The following CHRNG variants were observed in gnomAD, a reference collection of about 807,000 sequenced individuals.
CHRNG encodes cholinergic receptor nicotinic gamma subunit.
A neutral mutation model predicts 65.2 loss-of-function variants in CHRNG; 72 were observed. The observed-to-expected ratio is 1.10, with a 90% confidence interval of 0.91 to 1.34. The LOEUF (loss-of-function observed/expected upper bound fraction) is 1.34. Ranked by LOEUF, CHRNG falls within the 40% of genes most tolerant of loss-of-function variation. The probability of loss-of-function intolerance (pLI) is 0.00; values close to 1 mark genes in which losing one functional copy is unlikely to be tolerated. For synonymous variants in CHRNG, 284 were observed against 290.2 expected (o/e 0.98, Z 0.22); for missense variants, 637 against 680.1 (o/e 0.94, Z 0.70).
Position 232,545,559 on chromosome 2 carries a change from T to C in CHRNG, c.1397T>C (p.Phe466Ser). The C allele has an allele frequency of 6.2e-7, 1 of 1,613,892 alleles. No individual in the cohort carries two copies. Among genetic ancestry groups the C allele is most frequent in the African/African-American group, 1.3e-5 (1 of 75,044 alleles). ...CACCCTCAGGGGAATGAGGAGTGGT[T>C]CCTGGTGGGCCGAGTGCTGGACCGC... ...SHFDNGNEEWFLVGRVLDRVC... is the reference protein window; with the variant it reads ...SHFDNGNEEWSLVGRVLDRVC... Residue 466 changes from phenylalanine to serine, a missense_variant, in exon 12 of 12, where the codon TTC becomes TCC. Physicochemically the swap from Phe to Ser is radical, Grantham distance 155. Coordinates refer to ENST00000651502, the MANE Select transcript of CHRNG (RefSeq NM_005199.5).
rs551573361 is a variant in CHRNG, at chr2:232,543,773, G to A, written c.1035+74G>A. On this transcript the variant is annotated intron_variant, in intron 9 of 11. Coordinates refer to ENST00000651502, the MANE Select transcript of CHRNG (RefSeq NM_005199.5). ...CGCCTCCCTCTCGCACGCCCCGGCA[G>A]TACTCACCTGTGGCATTCCACAGCA... 4.4e-5 allele frequency: 39 copies of A among 892,676 alleles called. No individual in the cohort carries two copies. In the African/African-American group the frequency reaches 5.6e-4, roughly 13 times the overall value. 55.3% of individuals were successfully genotyped at this position (892,676 alleles called of 1,614,324 possible).
In CHRNG at chr2:232,541,945, C is replaced by T. The variant is rs532175754; in HGVS notation, c.506+416C>T. On this transcript the variant is annotated intron_variant, in intron 5 of 11. Coordinates refer to ENST00000651502, the MANE Select transcript of CHRNG (RefSeq NM_005199.5). The surrounding 1 kb of genome is among the most constrained non-coding windows in gnomAD (Gnocchi z 4.0). ...CAGCGGAAGCATGTATGCAACCAAGCCACCCCTGGGGGTCTCTGGGTCTGT... is the reference window on the plus strand; with the variant it reads ...CAGCGGAAGCATGTATGCAACCAAGTCACCCCTGGGGGTCTCTGGGTCTGT... 45 of 335,632 alleles carry T rather than the reference C, an allele frequency of 1.3e-4. 1 individual carries two copies. The highest frequency in any genetic ancestry group is 1.3e-3 in the South Asian group (44 of 33,536). The allele number at this position is 335,632 out of a possible 1,614,324, so 20.8% of individuals were successfully genotyped here. A position where few individuals can be genotyped will look rare whatever the true frequency, so the allele number is the denominator to read the frequency against.
chr2:232,545,527 T>C lies in CHRNG; in HGVS notation c.1381-16T>C. On this transcript the variant is annotated splice_polypyrimidine_tract_variant and intron_variant, in intron 11 of 11. Coordinates refer to ENST00000651502, the MANE Select transcript of CHRNG (RefSeq NM_005199.5). ...GTGCCGCCGCTGGTTATCCCACACC[T>C]GCCTCCCACCCTCAGGGGAATGAGG... 1 of 1,612,554 alleles carries C rather than the reference T, an allele frequency of 6.2e-7. No individual in the cohort carries two copies. Among genetic ancestry groups the C allele is most frequent in the Non-Finnish European group, 8.5e-7 (1 of 1,179,576 alleles).
chr2:232,545,339 A>G lies in CHRNG; in HGVS notation c.1381-204A>G, dbSNP rs376060872. 3.3e-3 allele frequency among the ~76,000 whole-genome samples: 478 copies of G among 146,820 alleles called. 2 individuals carry two copies. Among genetic ancestry groups the G allele is most frequent in the African/African-American group, 0.011 (439 of 40,968 alleles). The stretch of plus-strand genomic sequence containing the variant: ...GTCTCAAAAAAAAAAAAAAGGAAAG[A>G]AAGAAAGAAAAAGGAACAGGGGCAG... On this transcript the variant is annotated intron_variant, in intron 11 of 11. Transcript: ENST00000651502.
At chr2:232,543,475 C>A in intron 8 of CHRNG, 86 bp downstream of exon 8, 3 of 1,214,564 alleles carry the variant, frequency 2.5e-6, no homozygotes, top group Non-Finnish European at 2.4e-6. Context: ...TCTTGCCCTC[C>A]ATCCACCCCC....
In CHRNG at chr2:232,541,468, G is replaced by A. The variant is rs2289080; in HGVS notation, c.445G>A (p.Ala149Thr). The A allele has an allele frequency of 0.024, 39,234 of 1,614,044 alleles. 865 individuals are homozygous for A. Among genetic ancestry groups the A allele is most frequent in the East Asian group, 0.11 (5,084 of 44,876 alleles). ...YWLPPAIFRS[A>T]CSISVTYFPF... is the part of the protein sequence containing the mutation. ...GCTGCCGCCTGCCATCTTCCGTTCC[G>A]CCTGCTCTATCTCAGTCACCTACTT... The change falls in exon 5 of 12, where the codon GCC (alanine) becomes ACC (threonine). Residue 149 changes from alanine (A) to threonine (T), a missense_variant. Transcript: ENST00000651502. This position sits in a 1 kb window ranked among gnomAD's most constrained non-coding sequence, Gnocchi z 4.0.
chr2:232,543,482 C>CG lies in CHRNG; in HGVS notation c.920+93_920+94insG, dbSNP rs60960955. ...CATTGCCCTCTTGCCCTCCATCCAC[C>CG]CCCCCCATCCTCAATTCAGGAGGCC... is the stretch of plus-strand genomic sequence containing the variant. On this transcript the variant is annotated intron_variant, in intron 8 of 11. Transcript: ENST00000651502. 7 of 1,159,962 alleles carry CG rather than the reference C, an allele frequency of 6.0e-6. No homozygotes were observed. The Admixed American group carries it at 6.1e-5, about 10-fold the overall frequency. The allele number at this position is 1,159,962 out of a possible 1,614,324, so 71.9% of individuals were successfully genotyped here.
In CHRNG at chr2:232,545,737, C is replaced by T. The variant is rs896195459; in HGVS notation, c.*21C>T. On this transcript the variant is annotated 3_prime_UTR_variant, in exon 12 of 12. Transcript: ENST00000651502. ...ACTGAGCCAACCAACCACTGTGGGGCATGTGGGAGTCACACACGTGGGTCA... is the reference window on the plus strand; with the variant it reads ...ACTGAGCCAACCAACCACTGTGGGGTATGTGGGAGTCACACACGTGGGTCA... 2 of 1,613,518 alleles carry T rather than the reference C, an allele frequency of 1.2e-6. No homozygotes were observed. The highest frequency in any genetic ancestry group is 3.3e-5 in the Admixed American group (2 of 60,004).
At chr2:232,544,680 G>C (rs1692090886) in intron 10 of CHRNG, 92 bp from the exon 11 acceptor site, 3 of 1,570,386 alleles carry the variant, frequency 1.9e-6, no homozygotes, top group African/African-American at 2.7e-5. Context: ...CCAGGTCAGG[G>C]AGAGAGGAGC....
intron 11 of CHRNG, 129 bp from the exon 12 acceptor site, chr2:232,545,414 C>T: frequency 3.5e-6 from 3 of 865,436 alleles, no homozygotes; most frequent in Non-Finnish European, 5.6e-6. Context: ...CCAGTTGGGA[C>T]CCGGACATAG....
Position 232,546,308 on chromosome 2 carries a change from C to CT in CHRNG, c.*612dup, listed in dbSNP as rs57021172. On this transcript the variant is annotated 3_prime_UTR_variant, in exon 12 of 12. Coordinates refer to ENST00000651502, the MANE Select transcript of CHRNG (RefSeq NM_005199.5). Reference sequence around the variant, plus strand: ...ACGATTTCCTGAGTTTTGTAATCCTCTTTTTTTTTTTTTTTTTTTTAGTTT... The same window carrying CT: ...ACGATTTCCTGAGTTTTGTAATCCTCTTTTTTTTTTTTTTTTTTTTTAGTTT... The CT allele has an allele frequency of 0.023, 2,220 of 94,816 alleles. 45 individuals carry two copies. The highest frequency in any genetic ancestry group is 0.057 in the African/African-American group (1,491 of 26,136). The allele number at this position is 94,816 out of a possible 1,614,324, so 5.9% of individuals were successfully genotyped here.
rs200473548 is a variant in CHRNG, at chr2:232,542,899, A to G, written c.622A>G (p.Ile208Val). Reference sequence around the variant, plus strand: ...GCCCGCAGAGAATGGGGAGTGGGCCATCCAGCACCGACCAGCCAAGATGCT... The same window carrying G: ...GCCCGCAGAGAATGGGGAGTGGGCCGTCCAGCACCGACCAGCCAAGATGCT... Reference protein sequence around the residue: ...EAFTENGEWAIQHRPAKMLLD... With the variant: ...EAFTENGEWAVQHRPAKMLLD... The change falls in exon 7 of 12, where the codon ATC becomes GTC. Residue 208 changes from isoleucine to valine, a missense_variant. Coordinates refer to ENST00000651502, the MANE Select transcript of CHRNG (RefSeq NM_005199.5). 1 of 1,613,826 alleles carries G rather than the reference A, an allele frequency of 6.2e-7. No homozygotes were observed. The highest frequency in any genetic ancestry group is 8.5e-7 in the Non-Finnish European group (1 of 1,179,984).
In CHRNG at chr2:232,547,345, G is replaced by C. The variant is rs1486683010; in HGVS notation, c.*1629G>C. Among the ~76,000 whole-genome samples the C allele has an allele frequency of 1.3e-5, 2 of 152,136 alleles. No individual in the cohort carries two copies. Among genetic ancestry groups the C allele is most frequent in the Admixed American group, 6.5e-5 (1 of 15,272 alleles). On this transcript the variant is annotated 3_prime_UTR_variant, in exon 12 of 12. Coordinates refer to ENST00000651502, the MANE Select transcript of CHRNG (RefSeq NM_005199.5). ...AGGTGGGAGGATCGCTTGAGCCCAG[G>C]AGGTCTAGGCTGCAGTGAGCTGTGA...
At position 232,540,057 on chromosome 2, in the gene CHRNG, C is replaced by A. The variant is rs759209024; in HGVS notation, c.121C>A (p.Leu41Met). The change falls in exon 2 of 12, where the codon CTG (leucine) becomes ATG (methionine). Residue 41 changes from leucine to methionine, a missense_variant. Coordinates refer to ENST00000651502, the MANE Select transcript of CHRNG (RefSeq NM_005199.5). This position sits in a 1 kb window ranked among gnomAD's most constrained non-coding sequence, Gnocchi z 4.2. ...ADLMQNYDPN[L>M]RPAERDSDVV... ...CCTGATGCAAAACTACGACCCCAAC[C>A]TGCGGCCCGCGGAACGAGACTCGGA... 2.5e-6 allele frequency: 4 copies of A among 1,614,128 alleles called. No homozygotes were observed. Among genetic ancestry groups the A allele is most frequent in the African/African-American group, 2.7e-5 (2 of 74,948 alleles).
rs1418391580 is a variant in CHRNG at position 232,547,445 on chromosome 2, AAAAAG to A, written c.*1735_*1739del. On this transcript the variant is annotated 3_prime_UTR_variant, in exon 12 of 12. Coordinates refer to ENST00000651502, the MANE Select transcript of CHRNG (RefSeq NM_005199.5). ...AAAAATAAAAAAATTACAAAACTGA[AAAAAG>A]AAAAGTGAAAGTGCCACATAAAGGC... Among the ~76,000 whole-genome samples the A allele has an allele frequency of 1.3e-5, 2 of 152,172 alleles. No homozygotes were observed. The highest frequency in any genetic ancestry group is 2.4e-5 in the African/African-American group (1 of 41,432).
chr2:232,540,433 G>A lies in CHRNG; in HGVS notation c.240+8G>A. The stretch of plus-strand genomic sequence containing the variant: ...AATGTCTGGATAGAGATGGTAAGAG[G>A]CCACCCTGCCACCCTCCTTCCATCA... On this transcript the variant is annotated splice_region_variant and intron_variant, in intron 3 of 11. Coordinates refer to ENST00000651502, the MANE Select transcript of CHRNG (RefSeq NM_005199.5). This position sits in a 1 kb window ranked among gnomAD's most constrained non-coding sequence, Gnocchi z 4.2. 1.2e-6 allele frequency: 2 copies of A among 1,613,578 alleles called. No individual in the cohort carries two copies. Among genetic ancestry groups the A allele is most frequent in the East Asian group, 4.5e-5 (2 of 44,860 alleles).
intron 11 of CHRNG, among the ~76,000 whole-genome samples, 160 bp downstream of exon 11, chr2:232,545,062 C>A (rs149874341): frequency 1.3e-5 from 2 of 151,932 alleles, no homozygotes; most frequent in African/African-American, 4.8e-5. Context: ...TTTGGGAGGC[C>A]GAGGCGAGTG....
chr2:232,542,780 T>TCCTTAGGGCACATGCTGCC (rs1675386033), intron 6 of CHRNG, 102 bp from the exon 7 acceptor site: 1 of 1,039,728 alleles, frequency 9.6e-7, no homozygotes, highest in African/African-American at 1.6e-5. Context: ...CTGCTGGTGC[T>TCCTTAGGGCACATGCTGCC]CCTTAGGGCA....
intron 10 of CHRNG, 95 bp downstream of exon 10, chr2:232,544,675 T>A: frequency 1.3e-6 from 2 of 1,573,154 alleles, no homozygotes; most frequent in Non-Finnish European, 1.7e-6. Flanking sequence ...AGTGCCCAGG[T>A]CAGGGAGAGA....
Sources: allele counts gnomAD v4.1 joint callset (sites outside exome capture counted in the v4.1 genomes callset), GRCh38; gene constraint gnomAD v4.1.1; non-coding constraint Gnocchi (gnomAD v3.1); transcripts MANE v1.5; gene names NCBI Gene and HGNC (gene_info 2026-07-23, HGNC 2026-07-21).